The following TCTN2 variants were observed in gnomAD, a reference collection of about 807,000 sequenced individuals.
TCTN2 encodes tectonic family member 2, also known as tectonic-2.
TCTN2 carries 66 observed loss-of-function variants against 83.4 expected under a neutral mutation model. The ratio of observed to expected loss-of-function variants is 0.79; its 90% confidence interval spans 0.65 to 0.97. The LOEUF (loss-of-function observed/expected upper bound fraction) is 0.97, where lower values mean the gene tolerates loss of function less well. Among genes scored for constraint, TCTN2 ranks in the 50% least tolerant of loss-of-function variants. The pLI is 0.00. For missense variants in TCTN2, 794 were observed against 858.1 expected, an observed-to-expected ratio of 0.93 and a Z score of 0.93; for synonymous variants, 301 against 326.7, an observed-to-expected ratio of 0.92 and a Z score of 0.85.
In TCTN2 at chr12:123,671,294, C is replaced by T; in HGVS notation, c.54C>T (p.Gly18=). 2 of 1,613,886 alleles carry T rather than the reference C, an allele frequency of 1.2e-6. No individual in the cohort carries two copies. Among genetic ancestry groups the T allele is most frequent in the Non-Finnish European group, 1.7e-6 (2 of 1,179,986 alleles). The part of the protein sequence containing the change: ...ALLLRLFLLQ[G]ILRLLWGDLA... ...TTTTGAGGCTTTTCCTTCTGCAGGG[C>T]ATCCTGAGGCTTCTGTGGGGGGACC... The change falls in exon 1 of 18, where the codon GGC becomes GGT. Residue 18 remains glycine (G), a synonymous_variant. Transcript: ENST00000303372.
At chr12:123,678,203 G>A (rs7958693) in intron 4 of TCTN2, among the ~76,000 whole-genome samples, 63,228 of 151,998 alleles carry the variant, frequency 0.42, 14,065 homozygotes, top group African/African-American at 0.55. Context: ...CACCTGCACT[G>A]TTGGGTACCA....
At chr12:123,671,689 G>A (rs1451061014) in intron 2 of TCTN2, 75 bp downstream of exon 2, 16 of 1,389,058 alleles carry the variant, frequency 1.2e-5, no homozygotes, top group Non-Finnish European at 1.6e-5. Context: ...TGGAGAGGTG[G>A]CATCCTTGGG....
At chr12:123,675,578 C>T (rs1955810723) in intron 4 of TCTN2, among the ~76,000 whole-genome samples, 1 of 152,138 alleles carries the variant, frequency 6.6e-6, no homozygotes, top group South Asian at 2.1e-4. Context: ...GACTACTGTG[C>T]CCTCAGTGTA....
intron 3 of TCTN2, 24 bp downstream of exon 3, chr12:123,672,156 C>G (rs1432735226): frequency 6.2e-7 from 1 of 1,609,890 alleles, no homozygotes. Flanking sequence ...TAAACCTTCT[C>G]TGTAGCCTGT....
At chr12:123,702,401 G>C (rs1013522439) in intron 14 of TCTN2, among the ~76,000 whole-genome samples, 1 of 152,102 alleles carries the variant, frequency 6.6e-6, no homozygotes, top group East Asian at 1.9e-4. Context: ...CCTGTATTGT[G>C]CCTACTCCTT....
chr12:123,671,174 G>GTC lies in TCTN2; in HGVS notation c.-65_-64dup. 6 of 1,480,110 alleles carry GTC rather than the reference G, an allele frequency of 4.1e-6. No individual in the cohort carries two copies. Among genetic ancestry groups the GTC allele is most frequent in the Non-Finnish European group, 5.5e-6 (6 of 1,083,164 alleles). 91.7% of individuals were successfully genotyped at this position (1,480,110 alleles called of 1,614,324 possible). On this transcript the variant is annotated 5_prime_UTR_variant, in exon 1 of 18. The change abolishes the stop of an existing upstream ORF in the 5' untranslated region. Coordinates refer to ENST00000303372, the MANE Select transcript of TCTN2 (RefSeq NM_024809.5). ...GGGGCAGTGGCTGCTGCGTTTTCGT[G>GTC]TCTGAGTCCTTCCTGGGTTCTAATG...
intron 5 of TCTN2, among the ~76,000 whole-genome samples, chr12:123,681,032 G>T (rs1309818332): frequency 6.6e-6 from 1 of 152,008 alleles, no homozygotes; most frequent in African/African-American, 2.4e-5. Context: ...ACTTTGGGAG[G>T]CCGATGTGGG....
intron 8 of TCTN2, among the ~76,000 whole-genome samples, chr12:123,692,052 G>A (rs960961446): frequency 1.3e-5 from 2 of 152,052 alleles, no homozygotes; most frequent in South Asian, 2.1e-4. Flanking sequence ...CCACCACCAC[G>A]CCCTGCTAAT....
chr12:123,695,503 C>T (rs1956096828), intron 11 of TCTN2: 2 of 446,628 alleles, frequency 4.5e-6, no homozygotes, highest in Non-Finnish European at 8.1e-6. Flanking sequence ...CTCACTGCAA[C>T]CTGCACCTCC....
At chr12:123,679,112 T>C in intron 4 of TCTN2, 77 bp from the exon 5 acceptor site, 1 of 1,375,530 alleles carries the variant, frequency 7.3e-7, no homozygotes, top group South Asian at 1.2e-5. Context: ...TTCAGCTTTC[T>C]TTTGAATGTC....
chr12:123,684,400 T>A (rs1955937569), intron 5 of TCTN2, among the ~76,000 whole-genome samples: 1 of 131,004 alleles, frequency 7.6e-6, no homozygotes, highest in Non-Finnish European at 1.6e-5. Flanking sequence ...ATTGTCATTC[T>A]TTTTTTTTTT....
intron 9 of TCTN2, among the ~76,000 whole-genome samples, chr12:123,693,018 CTTTTTT>C (rs539689505): frequency 1.3e-4 from 7 of 53,780 alleles, no homozygotes; most frequent in African/African-American, 5.1e-4. Flanking sequence ...TTAAATAATT[CTTTTTT>C]TTTTTTTTTT....
intron 5 of TCTN2, among the ~76,000 whole-genome samples, chr12:123,680,090 T>C (rs1447408025): frequency 6.6e-6 from 1 of 151,928 alleles, no homozygotes; most frequent in Non-Finnish European, 1.5e-5. Context: ...CAGTGGCGCA[T>C]ACCTGTAATC....
intron 11 of TCTN2, 189 bp downstream of exon 11, chr12:123,695,486 A>C (rs1387827190): frequency 8.2e-6 from 4 of 489,094 alleles, no homozygotes; most frequent in African/African-American, 7.9e-5. Flanking sequence ...CAGTGGCGCA[A>C]TCTCGGCTCA....
At chr12:123,673,098 T>C (rs1342757354) in intron 3 of TCTN2, among the ~76,000 whole-genome samples, 1 of 152,080 alleles carries the variant, frequency 6.6e-6, no homozygotes, top group Non-Finnish European at 1.5e-5. Context: ...TGAGCTTATG[T>C]GTAAGGATAC....
chr12:123,695,231 CAGAGATTTGT>C lies in TCTN2; in HGVS notation c.1249_1258del (p.Arg417Ter). On this transcript the variant is annotated frameshift_variant, in exon 11 of 18. Transcript: ENST00000303372. LOFTEE classifies it high-confidence loss of function. ...TGTTTTATTTCTAGGGATAATGACA[CAGAGATTTGT>C]AGTAAAATTTTTAAGCTATAATAGT... 1 of 1,570,874 alleles carries C rather than the reference CAGAGATTTGT, an allele frequency of 6.4e-7. No individual in the cohort carries two copies. The highest frequency in any genetic ancestry group is 8.8e-7 in the Non-Finnish European group (1 of 1,141,090).
intron 4 of TCTN2, 24 bp from the exon 5 acceptor site, chr12:123,679,165 T>G: frequency 6.3e-7 from 1 of 1,582,180 alleles, no homozygotes; most frequent in Non-Finnish European, 8.7e-7. Context: ...TTAGCTGAAT[T>G]TTTCTGTTGT....
At chr12:123,696,662 A>T in intron 12 of TCTN2, 167 bp downstream of exon 12, 1 of 689,126 alleles carries the variant, frequency 1.5e-6, no homozygotes, top group Non-Finnish European at 2.6e-6. Context: ...TCCTGCTTCT[A>T]CAGCTTTTTA....
rs112205358 is a variant in TCTN2, at chr12:123,676,436, C to T, written c.463+2626C>T. Among the ~76,000 whole-genome samples, 305 of 151,430 alleles carry T rather than the reference C, an allele frequency of 2.0e-3. 1 individual carries two copies. Among genetic ancestry groups the T allele is most frequent in the African/African-American group, 7.0e-3 (290 of 41,272 alleles). ...ACAAAAAATTAGCCGGGTATGGTGG[C>T]GGGTGCCTGGAGTCCCAGCTACTCG... On this transcript the variant is annotated intron_variant, in intron 4 of 17. Coordinates refer to ENST00000303372, the MANE Select transcript of TCTN2 (RefSeq NM_024809.5).
Sources: gnomAD v4.1 joint callset for allele counts (sites outside exome capture counted in the v4.1 genomes callset) on GRCh38, gnomAD v4.1.1 for gene constraint, MANE v1.5 for transcripts, NCBI Gene and HGNC (gene_info 2026-07-23, HGNC 2026-07-21) for gene names.